The following KIF26B variants were observed in gnomAD, a reference collection of about 807,000 sequenced individuals.
KIF26B encodes the protein kinesin family member 26B.
KIF26B carries 63 observed loss-of-function variants against 151.2 expected under a neutral mutation model. That is an observed-to-expected ratio of 0.42 (90% CI 0.34 to 0.51). The LOEUF (loss-of-function observed/expected upper bound fraction) is 0.51. Ranked by LOEUF, KIF26B falls within the 20% of genes least tolerant of loss-of-function variation. KIF26B has a pLI of 0.07. For synonymous variants in KIF26B, 1,357 were observed against 1,262.1 expected (o/e 1.08, Z -1.59); for missense variants, 2,813 against 2,913.6 (o/e 0.97, Z 0.79).
intron 9 of KIF26B, among the ~76,000 whole-genome samples, chr1:245,623,026 G>GTTTTT (rs56666383): frequency 2.7e-5 from 3 of 111,872 alleles, no homozygotes; most frequent in Non-Finnish European, 3.7e-5. Flanking sequence ...TCGTGAGCAA[G>GTTTTT]TTTTTTTTTT....
chr1:245,155,698 GTTCC>G (rs1434202700), intron 1 of KIF26B, among the ~76,000 whole-genome samples: 2 of 152,216 alleles, frequency 1.3e-5, no homozygotes, highest in African/African-American at 4.8e-5. Flanking sequence ...CAGCCCTCTC[GTTCC>G]TTCCTTTCCA....
chr1:245,356,103 G>A (rs1299710289), intron 2 of KIF26B, among the ~76,000 whole-genome samples: 2 of 152,192 alleles, frequency 1.3e-5, no homozygotes, highest in African/African-American at 2.4e-5. Context: ...GTGACTCTGC[G>A]CAGGGGGCGT....
At chr1:245,551,596 G>T (rs1661880410) in intron 5 of KIF26B, among the ~76,000 whole-genome samples, 1 of 152,170 alleles carries the variant, frequency 6.6e-6, no homozygotes. Flanking sequence ...GCTCAGAGGT[G>T]CTGGAGGACT....
intron 2 of KIF26B, among the ~76,000 whole-genome samples, chr1:245,307,374 C>G (rs1420829133): frequency 6.6e-6 from 1 of 151,830 alleles, no homozygotes; most frequent in African/African-American, 2.4e-5. Context: ...CTGCTCTGTT[C>G]CTTGGCTCCT....
At position 245,698,331 on chromosome 1, in the gene KIF26B, C is replaced by G. The variant is rs2044721668; in HGVS notation, c.6027+23C>G. 24 of 1,602,252 alleles carry G rather than the reference C, an allele frequency of 1.5e-5. No individual in the cohort carries two copies. The highest frequency in any genetic ancestry group is 2.0e-5 in the Non-Finnish European group (24 of 1,173,830). ...AAGGTGAGGCAGCCTCCTTCCCACCCCCTGCCTACGTGGTGGCAGCTCCCC... is the reference window on the plus strand; with the variant it reads ...AAGGTGAGGCAGCCTCCTTCCCACCGCCTGCCTACGTGGTGGCAGCTCCCC... On this transcript the variant is annotated intron_variant, in intron 13 of 14. Transcript: ENST00000407071. The surrounding 1 kb of genome is among the most constrained non-coding windows in gnomAD (Gnocchi z 4.0).
rs1051824028 is a variant in KIF26B at position 245,155,029 on chromosome 1, G to A, written c.-396G>A. ...GGAGACAAGTTCCCACAGCTGACTC[G>A]GCTCGGCTCTCCCACCTTCCCGGCA... is the stretch of plus-strand genomic sequence containing the variant. On this transcript the variant is annotated 5_prime_UTR_variant, in exon 1 of 15. Transcript: ENST00000407071. 10 of 439,308 alleles carry A rather than the reference G, an allele frequency of 2.3e-5. No individual in the cohort carries two copies. The highest frequency in any genetic ancestry group is 1.8e-4 in the African/African-American group (9 of 48,868). 27.2% of individuals were successfully genotyped at this position (439,308 alleles called of 1,614,324 possible). A position where few individuals can be genotyped will look rare whatever the true frequency, so the allele number is the denominator to read the frequency against.
At chr1:245,451,585 C>CTTT (rs58192966) in intron 4 of KIF26B, among the ~76,000 whole-genome samples, 21 of 58,736 alleles carry the variant, frequency 3.6e-4, no homozygotes, top group South Asian at 7.0e-4. Context: ...GAAGATCTAT[C>CTTT]TTTTTTTTTT....
intron 4 of KIF26B, among the ~76,000 whole-genome samples, chr1:245,480,145 A>G (rs1660134828): frequency 6.6e-6 from 1 of 151,546 alleles, no homozygotes; most frequent in South Asian, 2.1e-4. Context: ...CTAGTGTGGT[A>G]GCATGCACCT....
intron 4 of KIF26B, among the ~76,000 whole-genome samples, chr1:245,538,091 G>A (rs930962968): frequency 6.6e-6 from 1 of 152,186 alleles, no homozygotes; most frequent in African/African-American, 2.4e-5. Context: ...GGGTATCAAG[G>A]AGGAAGGACC....
intron 2 of KIF26B, among the ~76,000 whole-genome samples, chr1:245,256,160 A>G (rs78728759): frequency 0.014 from 2,135 of 152,220 alleles, 42 homozygotes; most frequent in African/African-American, 0.038. Flanking sequence ...TTGACGTCTC[A>G]AGGTCTTACA....
chr1:245,694,362 T>A (rs564321571), intron 12 of KIF26B, among the ~76,000 whole-genome samples: 1 of 152,362 alleles, frequency 6.6e-6, no homozygotes, highest in South Asian at 2.1e-4. Flanking sequence ...GTCTTCCTAG[T>A]GCCTACTCTT....
chr1:245,590,727 GA>G (rs1255021993), intron 5 of KIF26B, among the ~76,000 whole-genome samples: 1 of 152,078 alleles, frequency 6.6e-6, no homozygotes, highest in Admixed American at 6.5e-5. Context: ...GGACAACATA[GA>G]AAAACCCTGT....
chr1:245,441,493 C>T (rs1394900947), intron 4 of KIF26B, among the ~76,000 whole-genome samples: 1 of 152,064 alleles, frequency 6.6e-6, no homozygotes, highest in African/African-American at 2.4e-5. Context: ...TCTGATGCTC[C>T]ATGGCCATCG....
In KIF26B at chr1:245,244,270, T is replaced by C. The variant is rs1670272370; in HGVS notation, c.465+87587T>C. ...CTGTACCTGGCCTCCTTTTATATTT[T>C]TTTCTAAATATCATTCTATATGTTC... On this transcript the variant is annotated intron_variant, in intron 2 of 14. Coordinates refer to ENST00000407071, the MANE Select transcript of KIF26B (RefSeq NM_018012.4). The surrounding 1 kb of genome is among the most constrained non-coding windows in gnomAD (Gnocchi z 4.2). Among the ~76,000 whole-genome samples, 1 of 152,164 alleles carries C rather than the reference T, an allele frequency of 6.6e-6. No individual in the cohort carries two copies. Among genetic ancestry groups the C allele is most frequent in the Non-Finnish European group, 1.5e-5 (1 of 68,030 alleles).
At chr1:245,503,759 G>T (rs935222303) in intron 4 of KIF26B, among the ~76,000 whole-genome samples, 1 of 152,230 alleles carries the variant, frequency 6.6e-6, no homozygotes, top group Non-Finnish European at 1.5e-5. Flanking sequence ...TTTGCTCTCG[G>T]CGTTGCCGCA....
intron 5 of KIF26B, among the ~76,000 whole-genome samples, chr1:245,557,163 A>T (rs956616629): frequency 2.0e-5 from 3 of 152,254 alleles, no homozygotes; most frequent in African/African-American, 7.2e-5. Context: ...GTGCAGTTTT[A>T]AAAATATTGT....
chr1:245,595,039 G>T (rs183265027), intron 5 of KIF26B, among the ~76,000 whole-genome samples: 1 of 152,278 alleles, frequency 6.6e-6, no homozygotes, highest in African/African-American at 2.4e-5. Flanking sequence ...TCCTGAATTT[G>T]CTTATCAGCT....
chr1:245,273,416 C>CAAA (rs36085161), intron 2 of KIF26B, among the ~76,000 whole-genome samples: 37 of 127,108 alleles, frequency 2.9e-4, no homozygotes, highest in African/African-American at 8.1e-4. Flanking sequence ...AGACTTATCT[C>CAAA]AAAAAAAAAA....
chr1:245,458,510 C>T (rs1558173946), intron 4 of KIF26B, among the ~76,000 whole-genome samples: 1 of 152,186 alleles, frequency 6.6e-6, no homozygotes, highest in Non-Finnish European at 1.5e-5. Flanking sequence ...CGCTGTCTCA[C>T]TCTCCCTTGC....
Sources: gnomAD v4.1 joint callset for allele counts (sites outside exome capture counted in the v4.1 genomes callset) on GRCh38, gnomAD v4.1.1 for gene constraint, Gnocchi (gnomAD v3.1) non-coding constraint, MANE v1.5 for transcripts, NCBI Gene and HGNC (gene_info 2026-07-23, HGNC 2026-07-21) for gene names.